Variants in FBXL18 observed in about 807,000 individuals in gnomAD.
The protein encoded by FBXL18 is F-box and leucine rich repeat protein 18.
FBXL18 carries 36 observed loss-of-function variants against 46.0 expected under a neutral mutation model. That is an observed-to-expected ratio of 0.78 (90% confidence interval 0.60 to 1.03). FBXL18 has a LOEUF of 1.03. Among genes scored for constraint, FBXL18 ranks in the 50% least tolerant of loss-of-function variants. The pLI is 0.00. For missense variants in FBXL18, 977 were observed against 1,004.1 expected (o/e 0.97, Z 0.36); for synonymous variants, 557 against 465.3 (o/e 1.20, Z -2.54).
At chr7:5,465,819 A>C (rs1157738050) in intron 4 of FBXL18, among the ~76,000 whole-genome samples, 3 of 142,216 alleles carry the variant, frequency 2.1e-5, no homozygotes, top group African/African-American at 7.7e-5. Context: ...TACCTCCTAA[A>C]TTTTTTTTTT....
At position 5,463,525 on chromosome 7, in the gene FBXL18, A is replaced by C. The variant is rs563341640; in HGVS notation, c.2001-15682T>G. 4.6e-5 allele frequency among the ~76,000 whole-genome samples: 7 copies of C among 151,598 alleles called. No individual in the cohort carries two copies. In the South Asian group the frequency reaches 1.5e-3, roughly 32 times the overall value. ...TCCCAGCTACTTGGGAGGCTGAGGCAGGAGGATTGCTTGAGCCCAGGAGGT... is the reference window on the plus strand; with the variant it reads ...TCCCAGCTACTTGGGAGGCTGAGGCCGGAGGATTGCTTGAGCCCAGGAGGT... On this transcript the variant is annotated intron_variant and NMD_transcript_variant, in intron 4 of 6. Coordinates refer to the FBXL18 transcript ENST00000415009.
In FBXL18 at chr7:5,455,716, G is replaced by C. The variant is rs2128230386; in HGVS notation, c.2001-7873C>G. ...GGGAAGTGGGAAACAGAACTTTTTGGATGTCCCTAGATGGTGCCTCCCCCC... is the reference window on the plus strand; with the variant it reads ...GGGAAGTGGGAAACAGAACTTTTTGCATGTCCCTAGATGGTGCCTCCCCCC... On this transcript the variant is annotated intron_variant and NMD_transcript_variant, in intron 4 of 6. Transcript: ENST00000415009. The surrounding 1 kb of genome is among the most constrained non-coding windows in gnomAD (Gnocchi z 4.6). Among the ~76,000 whole-genome samples the C allele has an allele frequency of 6.6e-6, 1 of 151,736 alleles. No homozygotes were observed. The highest frequency in any genetic ancestry group is 2.4e-5 in the African/African-American group (1 of 41,356).
At chr7:5,465,028 AC>A (rs1364873757) in intron 4 of FBXL18, among the ~76,000 whole-genome samples, 1 of 152,100 alleles carries the variant, frequency 6.6e-6, no homozygotes, top group Non-Finnish European at 1.5e-5. Context: ...GTGCCATTGC[AC>A]TCCAGCCTGG....
rs1308822788 is a variant in FBXL18, at chr7:5,482,067, T to G, written c.2001-136A>C. The stretch of plus-strand genomic sequence containing the variant: ...CTGGGGCTCCCAGACAGACCATGCC[T>G]GCCAGAGTCACCCTCTAAGTGCCTC... On this transcript the variant is annotated intron_variant, in intron 4 of 4. Coordinates refer to ENST00000382368, the MANE Select transcript of FBXL18 (RefSeq NM_024963.6). 9 of 1,046,014 alleles carry G rather than the reference T, an allele frequency of 8.6e-6. No individual in the cohort carries two copies. In the East Asian group the frequency reaches 2.4e-4, roughly 28 times the overall value. 64.8% of individuals were successfully genotyped at this position (1,046,014 alleles called of 1,614,324 possible). A position where few individuals can be genotyped will look rare whatever the true frequency, so the allele number is the denominator to read the frequency against.
intron 4 of FBXL18, among the ~76,000 whole-genome samples, chr7:5,454,885 C>T (rs896749151): frequency 3.9e-5 from 6 of 152,222 alleles, no homozygotes; most frequent in African/African-American, 1.2e-4. Flanking sequence ...TGAGAGAGGA[C>T]GCGCTGCTTG....
downstream of FBXL18, among the ~76,000 whole-genome samples, chr7:5,474,681 TTATTTTTTA>T (rs1474714239): frequency 6.7e-4 from 3 of 4,480 alleles, no homozygotes; most frequent in African/African-American, 3.2e-3. Context: ...ATTATGCACT[TTATTTTTTA>T]TTTATTTATT....
intron 4 of FBXL18, among the ~76,000 whole-genome samples, chr7:5,463,430 G>C (rs1783286717): frequency 6.6e-6 from 1 of 151,630 alleles, no homozygotes; most frequent in African/African-American, 2.4e-5. Flanking sequence ...CATCAGCCTG[G>C]GCAACATAAC....
intron 4 of FBXL18, among the ~76,000 whole-genome samples, chr7:5,462,950 C>CAAAAAAAAAAAAAAA (rs138208570): frequency 3.6e-4 from 8 of 22,366 alleles, no homozygotes; most frequent in East Asian, 1.8e-3. Context: ...GACTTGGTCT[C>CAAAAAAAAAAAAAAA]AAAAAAAAAA....
intron 4 of FBXL18, among the ~76,000 whole-genome samples, chr7:5,488,519 G>A (rs958657051): frequency 3.3e-5 from 5 of 152,160 alleles, no homozygotes; most frequent in Non-Finnish European, 2.9e-5. Flanking sequence ...ACAGGAAGTC[G>A]CCCCAGCCCT....
Position 5,480,421 on chromosome 7 carries a change from G to A in FBXL18, c.*1354C>T, listed in dbSNP as rs1783610090. 1 of 151,820 alleles carries A rather than the reference G, an allele frequency of 6.6e-6. No individual in the cohort carries two copies. Among genetic ancestry groups the A allele is most frequent in the Non-Finnish European group, 1.5e-5 (1 of 67,996 alleles). 9.4% of individuals were successfully genotyped at this position (151,820 alleles called of 1,614,324 possible). The stretch of plus-strand genomic sequence containing the variant: ...TGCCAGGAGGATGTCCTCATTTTTG[G>A]AATAACTTTGTTTTTTTCTCTTTCT... On this transcript the variant is annotated 3_prime_UTR_variant, in exon 5 of 5. Coordinates refer to ENST00000382368, the MANE Select transcript of FBXL18 (RefSeq NM_024963.6).
In FBXL18 at chr7:5,496,995, TAC is replaced by T. The variant is rs1031907772; in HGVS notation, c.1781+3491_1781+3492del. ...GCAGTGAGCTGAGATCATGCCATTG[TAC>T]TCAAGCCTGGGTGACAGAGTGAGAC... On this transcript the variant is annotated intron_variant, in intron 3 of 4. Coordinates refer to ENST00000382368, the MANE Select transcript of FBXL18 (RefSeq NM_024963.6). The surrounding 1 kb of genome is among the most constrained non-coding windows in gnomAD (Gnocchi z 4.8). 7.1e-6 allele frequency among the ~76,000 whole-genome samples: 1 copy of T among 139,932 alleles called. No homozygotes were observed. The highest frequency in any genetic ancestry group is 1.5e-5 in the Non-Finnish European group (1 of 66,568). The allele number at this position is 139,932 out of a possible 152,430, so 91.8% of individuals were successfully genotyped here. A position where few individuals can be genotyped will look rare whatever the true frequency, so the allele number is the denominator to read the frequency against.
chr7:5,500,693 C>A lies in FBXL18; in HGVS notation c.1576G>T (p.Ala526Ser). ...CGCAGGAAGGCCAGCTGGCCGATGG[C>A]GGCCACCTCCGAGTCCCCGACACTC... is the stretch of plus-strand genomic sequence containing the variant. The part of the protein sequence containing the change: ...AQSVGDSEVA[A>S]IGQLAFLRHL... The change falls in exon 3 of 5, where the codon GCC becomes TCC. Residue 526 changes from alanine to serine, a missense_variant. Transcript: ENST00000382368. 3 of 1,610,138 alleles carry A rather than the reference C, an allele frequency of 1.9e-6. No homozygotes were observed. Among genetic ancestry groups the A allele is most frequent in the Non-Finnish European group, 2.5e-6 (3 of 1,178,732 alleles).
intron 4 of FBXL18, among the ~76,000 whole-genome samples, chr7:5,466,588 G>C (rs1482582974): frequency 6.6e-6 from 1 of 152,190 alleles, no homozygotes; most frequent in African/African-American, 2.4e-5. Flanking sequence ...GATAATCCCA[G>C]AGCCTCTCCA....
Position 5,495,630 on chromosome 7 carries a change from C to A in FBXL18, c.1782-4181G>T, listed in dbSNP as rs931674644. On this transcript the variant is annotated intron_variant, in intron 3 of 4. Transcript: ENST00000382368. ...GGCAGCAGGTGGCTGGCGTGGGATT[C>A]CAAGCTCTGCCACCAAAGAGACTCC... 3.3e-5 allele frequency among the ~76,000 whole-genome samples: 5 copies of A among 152,304 alleles called. No homozygotes were observed. The East Asian group carries it at 9.7e-4, about 29-fold the overall frequency.
intron 1 of FBXL18, among the ~76,000 whole-genome samples, chr7:5,511,332 A>C (rs1470267030): frequency 6.6e-6 from 1 of 152,080 alleles, no homozygotes; most frequent in Non-Finnish European, 1.5e-5. Flanking sequence ...TAATCTCAGC[A>C]CTATGGGAGG....
chr7:5,471,354 A>G (rs1475947693), downstream of FBXL18, among the ~76,000 whole-genome samples: 2 of 151,986 alleles, frequency 1.3e-5, no homozygotes, highest in Admixed American at 1.3e-4. Flanking sequence ...TCGGCTCACT[A>G]CAACCTCCGC....
chr7:5,505,479 C>G lies in FBXL18; in HGVS notation c.170G>C (p.Arg57Pro). 6.2e-7 allele frequency: 1 copy of G among 1,614,162 alleles called. No homozygotes were observed. Among genetic ancestry groups the G allele is most frequent in the Non-Finnish European group, 8.5e-7 (1 of 1,180,030 alleles). The change falls in exon 2 of 5, where the codon CGG (arginine) becomes CCG (proline). Residue 57 changes from arginine (R) to proline (P), a missense_variant. By Grantham distance (103) the Arg-to-Pro change is moderately radical. Coordinates refer to ENST00000382368, the MANE Select transcript of FBXL18 (RefSeq NM_024963.6). ...DLILNVRRTC[R>P]KLAALCLDKS... ...GTCAAGGCACAGGGCTGCAAGCTTCCGACAGGTACGCCGGACGTTCAGAAT... is the reference window on the plus strand; with the variant it reads ...GTCAAGGCACAGGGCTGCAAGCTTCGGACAGGTACGCCGGACGTTCAGAAT...
chr7:5,467,439 G>A (rs1043335875), intron 4 of FBXL18, among the ~76,000 whole-genome samples: 4 of 151,534 alleles, frequency 2.6e-5, no homozygotes, highest in Middle Eastern at 3.2e-3. Flanking sequence ...CCAGTGACTC[G>A]GGAGGCTGAG....
At chr7:5,490,123 C>T (rs754807089) in intron 4 of FBXL18, 5 of 1,361,360 alleles carry the variant, frequency 3.7e-6, no homozygotes, top group South Asian at 1.1e-5. Flanking sequence ...GCAGGGTTGT[C>T]GGCGCCCAGT....
Sources: gnomAD v4.1 joint callset for allele counts (sites outside exome capture counted in the v4.1 genomes callset) on GRCh38, gnomAD v4.1.1 for gene constraint, Gnocchi (gnomAD v3.1) non-coding constraint, MANE v1.5 for transcripts, NCBI Gene and HGNC (gene_info 2026-07-23, HGNC 2026-07-21) for gene names.